The following LIPA variants were observed in gnomAD, a reference collection of about 807,000 sequenced individuals.
The protein encoded by LIPA is lysosomal acid lipase/cholesteryl ester hydrolase.
LIPA carries 26 observed loss-of-function variants against 40.6 expected under a neutral mutation model. The ratio of observed to expected loss-of-function variants is 0.64; its 90% CI spans 0.47 to 0.89. The LOEUF is 0.89. Ranked by LOEUF, LIPA falls within the 40% of genes least tolerant of loss-of-function variation. The pLI is 0.00. For missense variants in LIPA, 455 were observed against 479.6 expected (o/e 0.95, Z 0.48); for synonymous variants, 188 against 168.4 (o/e 1.12, Z -0.90).
chr10:89,347,761 T>C (rs1417301093), intron 2 of LIPA, among the ~76,000 whole-genome samples: 1 of 152,180 alleles, frequency 6.6e-6, no homozygotes, highest in Admixed American at 6.5e-5. Flanking sequence ...TATATTAAAC[T>C]TTTAACCTGG....
chr10:89,338,900 A>G, intron 1 of LIPA: 3 of 1,614,230 alleles, frequency 1.9e-6, no homozygotes, highest in South Asian at 2.2e-5. Context: ...GAGTTAATCC[A>G]GCAAGAACAT....
intron 1 of LIPA, among the ~76,000 whole-genome samples, chr10:89,311,340 T>C (rs1843514293): frequency 6.6e-6 from 1 of 151,930 alleles, no homozygotes; most frequent in Non-Finnish European, 1.5e-5. Flanking sequence ...CTGATCAATA[T>C]GGTGAAACCC....
At chr10:89,237,848 CT>C (rs1842924405) in intron 3 of LIPA, among the ~76,000 whole-genome samples, 1 of 152,174 alleles carries the variant, frequency 6.6e-6, no homozygotes, top group Non-Finnish European at 1.5e-5. Context: ...TCGAAGTGGT[CT>C]ACTTGCCCCC....
intron 8 of LIPA, among the ~76,000 whole-genome samples, chr10:89,217,717 T>TAA (rs1364714895): frequency 6.6e-6 from 1 of 152,162 alleles, no homozygotes; most frequent in African/African-American, 2.4e-5. Flanking sequence ...CCAATTTTAA[T>TAA]AAGTAACAAT....
chr10:89,223,202 T>C (rs1410782497), intron 7 of LIPA, among the ~76,000 whole-genome samples: 5 of 152,160 alleles, frequency 3.3e-5, no homozygotes, highest in African/African-American at 1.2e-4. Context: ...GGGGTCCATG[T>C]GCAGGTTTGT....
At chr10:89,219,894 A>G (rs1357253923) in intron 8 of LIPA, among the ~76,000 whole-genome samples, 2 of 152,252 alleles carry the variant, frequency 1.3e-5, no homozygotes, top group African/African-American at 4.8e-5. Flanking sequence ...CTTTGCAAAT[A>G]TTCTGGAGGT....
upstream of LIPA, among the ~76,000 whole-genome samples, chr10:89,254,863 GC>G (rs545194232): frequency 2.2e-3 from 329 of 152,256 alleles, 1 homozygote; most frequent in African/African-American, 7.7e-3. Flanking sequence ...GGGACAAAAT[GC>G]CCCCAGTATC....
rs1485023855 is a variant in LIPA, at chr10:89,248,437, ATTTTATATTTATTTATTTAT to A, written c.-1-808_-1-789del. Among the ~76,000 whole-genome samples, 63 of 133,270 alleles carry A rather than the reference ATTTTATATTTATTTATTTAT, an allele frequency of 4.7e-4. 2 individuals are homozygous for A. Among genetic ancestry groups the A allele is most frequent in the South Asian group, 1.6e-3 (7 of 4,316 alleles). 87.4% of individuals were successfully genotyped at this position (133,270 alleles called of 152,430 possible). The stretch of plus-strand genomic sequence containing the variant: ...TCCCAAAGGAATTATTATTATTATT[ATTTTATATTTATTTATTTAT>A]TTATTTATTTATTTATTTATTTATT... On this transcript the variant is annotated intron_variant, in intron 1 of 9. Transcript: ENST00000336233.
intron 2 of LIPA, chr10:89,384,952 C>T: frequency 1.9e-6 from 1 of 523,466 alleles, no homozygotes; most frequent in Non-Finnish European, 3.4e-6. Context: ...GACATAAGAC[C>T]CCCTGAAAGT....
intron 1 of LIPA, among the ~76,000 whole-genome samples, chr10:89,321,985 C>T (rs564457623): frequency 7.5e-4 from 114 of 152,120 alleles, no homozygotes; most frequent in Middle Eastern, 3.4e-3. Flanking sequence ...AACCAAACAC[C>T]GCATGTTCTC....
At chr10:89,260,760 C>T (rs965808304) in intron 1 of LIPA, among the ~76,000 whole-genome samples, 1 of 152,178 alleles carries the variant, frequency 6.6e-6, no homozygotes, top group Non-Finnish European at 1.5e-5. Flanking sequence ...ACAGGGCAGA[C>T]TGCTCTGCCT....
At chr10:89,339,770 G>C (rs987441870) in intron 1 of LIPA, 11 of 1,614,100 alleles carry the variant, frequency 6.8e-6, no homozygotes, top group Non-Finnish European at 8.5e-6. Context: ...AAATATAATG[G>C]GAAGTCTGAA....
intron 3 of LIPA, among the ~76,000 whole-genome samples, chr10:89,232,667 A>G (rs959415616): frequency 7.9e-5 from 12 of 152,198 alleles, no homozygotes; most frequent in African/African-American, 2.7e-4. Flanking sequence ...GCCAGGACAG[A>G]GGCTGGAAGG....
At chr10:89,253,668 A>G (rs1353948069), upstream of LIPA, among the ~76,000 whole-genome samples, 2 of 152,240 alleles carry the variant, frequency 1.3e-5, no homozygotes, top group Non-Finnish European at 2.9e-5. Context: ...AACTCATTTC[A>G]GCATTAACTC....
At chr10:89,293,774 A>G (rs1843392326) in intron 1 of LIPA, 1 of 151,772 alleles carries the variant, frequency 6.6e-6, no homozygotes, top group Admixed American at 6.6e-5. Context: ...TTACCAGATT[A>G]GGGGTTACCA....
chr10:89,224,899 T>C (rs11817574), intron 6 of LIPA, among the ~76,000 whole-genome samples, 193 bp downstream of exon 6: 190 of 152,290 alleles, frequency 1.2e-3, no homozygotes, highest in African/African-American at 4.2e-3. Context: ...GGCACCAGTG[T>C]GCAGGAAACG....
At chr10:89,302,805 T>C (rs1843453693) in intron 1 of LIPA, among the ~76,000 whole-genome samples, 1 of 152,076 alleles carries the variant, frequency 6.6e-6, no homozygotes, top group African/African-American at 2.4e-5. Context: ...GCTCATTGAA[T>C]AGGAAGGGAA....
intron 2 of LIPA, among the ~76,000 whole-genome samples, chr10:89,389,209 G>A (rs902881412): frequency 6.6e-6 from 1 of 152,110 alleles, no homozygotes; most frequent in Admixed American, 6.5e-5. Context: ...CTAGAAACCT[G>A]ACTTTTATAA....
intron 1 of LIPA, among the ~76,000 whole-genome samples, chr10:89,267,749 T>TAA (rs55980603): frequency 7.4e-6 from 1 of 135,516 alleles, no homozygotes; most frequent in Non-Finnish European, 1.6e-5. Context: ...AAAAGAAACT[T>TAA]AAAAAAAAAA....
Sources: gnomAD v4.1 joint callset for allele counts (sites outside exome capture counted in the v4.1 genomes callset) on GRCh38, gnomAD v4.1.1 for gene constraint, MANE v1.5 for transcripts, NCBI Gene and HGNC (gene_info 2026-07-23, HGNC 2026-07-21) for gene names.